Variants in TMPRSS9 observed in about 807,000 individuals in gnomAD.
The protein encoded by TMPRSS9 is transmembrane serine protease 9.
Under a neutral mutation model 111.4 loss-of-function variants are expected in TMPRSS9, and 113 were observed. The ratio of observed to expected loss-of-function variants is 1.01; its 90% confidence interval spans 0.87 to 1.19. The LOEUF (loss-of-function observed/expected upper bound fraction) is 1.19, where lower values mean the gene tolerates loss of function less well. TMPRSS9 is among the 50% of genes most tolerant of loss of function. The pLI, the probability that TMPRSS9 is intolerant of heterozygous loss-of-function variation, is 0.00. For synonymous variants in TMPRSS9, 805 were observed against 659.1 expected, an observed-to-expected ratio of 1.22 and a Z score of -3.39; for missense variants, 1,803 against 1,513.1, an observed-to-expected ratio of 1.19 and a Z score of -3.18.
rs765258510 is a variant in TMPRSS9 at position 2,414,037 on chromosome 19, G to A, written c.1573+19G>A. On this transcript the variant is annotated intron_variant, in intron 10 of 17. Transcript: ENST00000648592. ...CTACAAGGTATTTTCGGGGCAGAAA[G>A]GTAGAAGATGATGTACGTGCCTATC... The A allele has an allele frequency of 3.9e-6, 6 of 1,532,260 alleles. No homozygotes were observed. The highest frequency in any genetic ancestry group is 1.7e-4 in the Middle Eastern group (1 of 5,806). 94.9% of individuals were successfully genotyped at this position (1,532,260 alleles called of 1,614,324 possible).
chr19:2,408,990 A>AAGTAAT lies in TMPRSS9; in HGVS notation c.1117+361_1117+362insGTAATA, dbSNP rs747396449. ...GGTGACAGTGGGAGGCTCCATCTCA[A>AAGTAAT]AATAATAATAATAATAATAATAATA... On this transcript the variant is annotated intron_variant, in intron 8 of 17. Coordinates refer to ENST00000648592, the Ensembl canonical transcript of TMPRSS9. Among the ~76,000 whole-genome samples the AAGTAAT allele has an allele frequency of 8.8e-5, 11 of 124,992 alleles. No individual in the cohort carries two copies. The East Asian group carries it at 2.3e-3, about 26-fold the overall frequency. 82.0% of individuals were successfully genotyped at this position (124,992 alleles called of 152,430 possible).
intron 1 of TMPRSS9, among the ~76,000 whole-genome samples, chr19:2,373,075 C>A (rs1970302843): frequency 6.6e-6 from 1 of 152,110 alleles, no homozygotes; most frequent in South Asian, 2.1e-4. Context: ...TCAAGTGATC[C>A]TCCCTCCTTG....
At chr19:2,419,311 C>G (rs552644538) in intron 13 of TMPRSS9, among the ~76,000 whole-genome samples, 1 of 149,796 alleles carries the variant, frequency 6.7e-6, no homozygotes, top group East Asian at 2.0e-4. Flanking sequence ...TCAAGCGAGT[C>G]TCCTGCCTCA....
chr19:2,360,489 T>C (rs1023291194), intron 1 of TMPRSS9, among the ~76,000 whole-genome samples, 129 bp downstream of exon 1: 1 of 151,854 alleles, frequency 6.6e-6, no homozygotes, highest in Non-Finnish European at 1.5e-5. Flanking sequence ...GGCGGGAGTG[T>C]GTAGATGCAG....
intron 1 of TMPRSS9, among the ~76,000 whole-genome samples, chr19:2,373,185 C>T (rs1267149579): frequency 6.6e-6 from 1 of 151,710 alleles, no homozygotes; most frequent in Admixed American, 6.6e-5. Flanking sequence ...GGTAATTCAC[C>T]CAGGATGAAT....
intron 1 of TMPRSS9, among the ~76,000 whole-genome samples, chr19:2,363,823 TGAGAGAGA>T (rs796275292): frequency 9.3e-6 from 1 of 107,018 alleles, no homozygotes; most frequent in Non-Finnish European, 1.9e-5. Flanking sequence ...CGTGTGTGTG[TGAGAGAGA>T]GAGAGAGAGT....
chr19:2,377,155 T>C (rs1379129997), intron 1 of TMPRSS9, among the ~76,000 whole-genome samples: 1 of 151,182 alleles, frequency 6.6e-6, no homozygotes, highest in Non-Finnish European at 1.5e-5. Flanking sequence ...CCTGGGGCTC[T>C]TGGCTCTATT....
At position 2,425,085 on chromosome 19, in the gene TMPRSS9, G is replaced by A. The variant is rs764178818; in HGVS notation, c.2801G>A (p.Arg934His). The A allele has an allele frequency of 7.6e-6, 12 of 1,578,884 alleles. No homozygotes were observed. The highest frequency in any genetic ancestry group is 2.3e-5 in the South Asian group (2 of 88,618). ...GAGGGGCAGCTGGAGCGCGTGGCGC[G>A]CATCTACAAGCACCCGTTCTACAAT... The change falls in exon 16 of 18, where the codon CGC becomes CAC. Residue 934 changes from arginine to histidine, a missense_variant. Transcript: ENST00000648592.
intron 7 of TMPRSS9, 30 bp downstream of exon 8, chr19:2,405,575 GA>G: frequency 6.7e-7 from 1 of 1,493,464 alleles, no homozygotes; most frequent in South Asian, 1.4e-5. Context: ...CACCAAACCC[GA>G]ACCCTCTGTA....
intron 1 of TMPRSS9, among the ~76,000 whole-genome samples, chr19:2,376,147 C>T (rs1397061833): frequency 6.6e-6 from 1 of 152,128 alleles, no homozygotes. Context: ...AATGTGTTCC[C>T]GCCTTTCCCA....
At chr19:2,395,041 C>T (rs920962486) in intron 1 of TMPRSS9, among the ~76,000 whole-genome samples, 1 of 152,030 alleles carries the variant, frequency 6.6e-6, no homozygotes, top group Non-Finnish European at 1.5e-5. Context: ...GGCACTTTGG[C>T]AGGCTGAGGC....
chr19:2,367,959 C>T (rs1456259192), intron 1 of TMPRSS9, among the ~76,000 whole-genome samples: 1 of 152,144 alleles, frequency 6.6e-6, no homozygotes, highest in Non-Finnish European at 1.5e-5. Flanking sequence ...GATCCACCTG[C>T]CTCAGCTTCC....
intron 14 of TMPRSS9, 30 bp from the exon 16 acceptor site, chr19:2,424,059 C>T (rs895168614): frequency 3.2e-6 from 4 of 1,255,820 alleles, no homozygotes; most frequent in South Asian, 2.9e-5. Flanking sequence ...GCCCTGGGTC[C>T]GCCTGCCCAC....
At chr19:2,410,124 G>A (rs1971063230) in intron 8 of TMPRSS9, 134 bp from the exon 10 acceptor site, 3 of 1,263,576 alleles carry the variant, frequency 2.4e-6, no homozygotes, top group African/African-American at 3.0e-5. Flanking sequence ...AGAGCCATGT[G>A]TTGTAGGTGG....
intron 2 of TMPRSS9, among the ~76,000 whole-genome samples, chr19:2,397,576 T>C (rs1339075493): frequency 1.3e-5 from 2 of 152,110 alleles, no homozygotes; most frequent in African/African-American, 4.8e-5. Context: ...TTCCATTTTA[T>C]TCGAAGAGAA....
rs1356938673 is a variant in TMPRSS9, at chr19:2,416,698, CT to C, written c.1907del (p.Leu636ArgfsTer26). 1 of 1,613,200 alleles carries C rather than the reference CT, an allele frequency of 6.2e-7. No homozygotes were observed. Among genetic ancestry groups the C allele is most frequent in the South Asian group, 1.1e-5 (1 of 91,090 alleles). The stretch of plus-strand genomic sequence containing the variant: ...GGCTGTCCTGGAGCTGGCCAGCCCC[CT>C]GGCCTTCAACAAATACATCCAGCCT... On this transcript the variant is annotated frameshift_variant, in exon 12 of 18. Coordinates refer to ENST00000648592, the Ensembl canonical transcript of TMPRSS9. LOFTEE classifies it high-confidence loss of function.
At chr19:2,385,138 C>G (rs939174806), upstream of TMPRSS9, among the ~76,000 whole-genome samples, 2 of 138,756 alleles carry the variant, frequency 1.4e-5, no homozygotes, top group African/African-American at 5.6e-5. Context: ...AGCCGGAGCT[C>G]GCAGGGGGCG....
intron 13 of TMPRSS9, 34 bp from the exon 15 acceptor site, chr19:2,421,820 G>A (rs745942414): frequency 1.3e-6 from 2 of 1,553,880 alleles, no homozygotes; most frequent in Non-Finnish European, 1.7e-6. Context: ...AGGGTCCCTG[G>A]AGGACCAACC....
chr19:2,416,594 G>A (rs762768440), exon 12 of TMPRSS9: 2 of 1,612,298 alleles, frequency 1.2e-6, no homozygotes, highest in Admixed American at 3.3e-5. Context: ...CTGGGCCTGG[G>A]CGGGAGCCCG....
Sources: gnomAD v4.1 joint callset for allele counts (sites outside exome capture counted in the v4.1 genomes callset) on GRCh38, gnomAD v4.1.1 for gene constraint, MANE v1.5 for transcripts, NCBI Gene and HGNC (gene_info 2026-07-23, HGNC 2026-07-21) for gene names.